ZNF695: variants seen among roughly 807,000 people sequenced by gnomAD.
ZNF695 encodes zinc finger protein SBZF3.
Under a neutral mutation model 11.2 loss-of-function variants are expected in ZNF695, and 11 were observed. That is an observed-to-expected ratio of 0.98 (90% CI 0.62 to 1.62). ZNF695 has a LOEUF of 1.62. Ranked by LOEUF, ZNF695 falls within the 40% of genes most tolerant of loss-of-function variation. The pLI, the probability that ZNF695 is intolerant of heterozygous loss-of-function variation, is 0.00. For synonymous variants in ZNF695, 190 were observed against 201.4 expected (o/e 0.94, Z 0.48); for missense variants, 559 against 590.5 (o/e 0.95, Z 0.55).
intron 4 of ZNF695, among the ~76,000 whole-genome samples, chr1:246,971,212 CAGAG>C (rs1668415926): frequency 6.6e-6 from 1 of 152,144 alleles, no homozygotes; most frequent in South Asian, 2.1e-4. Flanking sequence ...GTAGCCCAGG[CAGAG>C]AGAGAGGGCA....
At chr1:246,969,503 T>C (rs1373141460) in intron 4 of ZNF695, 2 of 152,314 alleles carry the variant, frequency 1.3e-5, no homozygotes, top group African/African-American at 4.8e-5. Flanking sequence ...CTTTTCCTTA[T>C]CTTCCTGTCT....
At chr1:246,994,767 G>GCAGAGCTTGCAGTGAGC (rs1052860566) in intron 3 of ZNF695, among the ~76,000 whole-genome samples, 7 of 152,152 alleles carry the variant, frequency 4.6e-5, no homozygotes, top group African/African-American at 1.7e-4. Flanking sequence ...AACCCGGGAG[G>GCAGAGCTTGCAGTGAGC]CAGAGCTTGC....
downstream of ZNF695, among the ~76,000 whole-genome samples, chr1:246,981,992 C>CG (rs1668721551): frequency 6.6e-6 from 1 of 152,034 alleles, no homozygotes; most frequent in Admixed American, 6.6e-5. Context: ...TATTTCAGGC[C>CG]GGGGGCAGTG....
chr1:246,996,968 C>T (rs2642974), intron 3 of ZNF695, among the ~76,000 whole-genome samples: 137,719 of 152,234 alleles, frequency 0.9, 62,386 homozygotes, highest in East Asian at 0.99. Context: ...AACAAACTTA[C>T]AGATAAATGT....
intron 4 of ZNF695, among the ~76,000 whole-genome samples, chr1:246,975,497 A>G (rs1459838831): frequency 6.6e-6 from 1 of 152,234 alleles, no homozygotes; most frequent in Admixed American, 6.6e-5. Flanking sequence ...AATGTGATGA[A>G]GATTTTAACA....
At chr1:246,984,308 AGCTGGAAT>A (rs970675445), downstream of ZNF695, among the ~76,000 whole-genome samples, 2 of 149,510 alleles carry the variant, frequency 1.3e-5, no homozygotes, top group African/African-American at 4.9e-5. Context: ...AAAGGAGGAG[AGCTGGAAT>A]GCATAAGTAG....
intron 5 of ZNF695, among the ~76,000 whole-genome samples, chr1:246,962,590 G>T (rs1193843947): frequency 6.6e-6 from 1 of 152,070 alleles, no homozygotes; most frequent in African/African-American, 2.4e-5. Flanking sequence ...CGTGGGGCTG[G>T]CCTCTTCACC....
chr1:246,994,203 G>A (rs1381733315), intron 3 of ZNF695, among the ~76,000 whole-genome samples: 3 of 152,062 alleles, frequency 2.0e-5, no homozygotes. Context: ...CAGATGTACT[G>A]AGAAAAAAAA....
chr1:246,974,142 T>TAA (rs963537852), intron 4 of ZNF695, among the ~76,000 whole-genome samples: 907 of 83,130 alleles, frequency 0.011, 7 homozygotes, highest in African/African-American at 0.029. Flanking sequence ...TTATTTGGAA[T>TAA]AAAAAACAAA....
chr1:246,980,865 T>A (rs984888302), downstream of ZNF695, among the ~76,000 whole-genome samples: 1 of 152,230 alleles, frequency 6.6e-6, no homozygotes, highest in African/African-American at 2.4e-5. Context: ...AATAATTTTT[T>A]AGATTTAATG....
intron 3 of ZNF695, among the ~76,000 whole-genome samples, chr1:246,991,238 C>A (rs1163962039): frequency 6.6e-6 from 1 of 151,924 alleles, no homozygotes; most frequent in African/African-American, 2.4e-5. Flanking sequence ...TGGAGCAATA[C>A]CGCACAAACA....
chr1:246,957,070 T>C (rs944938086), intron 5 of ZNF695, among the ~76,000 whole-genome samples: 1 of 152,180 alleles, frequency 6.6e-6, no homozygotes, highest in Non-Finnish European at 1.5e-5. Flanking sequence ...TGTACTACTC[T>C]TTCAAGTTTT....
At chr1:246,954,832 T>C (rs1476098899) in intron 5 of ZNF695, among the ~76,000 whole-genome samples, 1 of 152,210 alleles carries the variant, frequency 6.6e-6, no homozygotes, top group Non-Finnish European at 1.5e-5. Flanking sequence ...AATACAGTCA[T>C]ACAGTCATCT....
rs191714784 is a variant in ZNF695 at position 246,964,690 on chromosome 1, G to A, written c.488+3005C>T. ...GTTCAAGACCAGCCTGGCCAGCATG[G>A]TGAGACCTCATCTCTACTAAAAATA... On this transcript the variant is annotated intron_variant, in intron 5 of 5. Transcript: ENST00000487338. 3.8e-3 allele frequency among the ~76,000 whole-genome samples: 572 copies of A among 152,250 alleles called. 3 individuals carry two copies. The highest frequency in any genetic ancestry group is 0.013 in the African/African-American group (549 of 41,550).
chr1:246,970,086 TTAGTA>T (rs1268892985), intron 4 of ZNF695, among the ~76,000 whole-genome samples: 1 of 152,200 alleles, frequency 6.6e-6, no homozygotes, highest in African/African-American at 2.4e-5. Flanking sequence ...ATCATAGCAC[TTAGTA>T]TAGAGAGCAG....
chr1:246,971,086 C>A (rs1050485811), intron 4 of ZNF695, among the ~76,000 whole-genome samples: 2 of 152,128 alleles, frequency 1.3e-5, no homozygotes, highest in Non-Finnish European at 2.9e-5. Flanking sequence ...TGCATGGCTG[C>A]GCTGTTATTT....
chr1:247,000,137 G>A (rs1572535194), intron 1 of ZNF695, 63 bp from the exon 2 acceptor site: 1 of 1,426,894 alleles, frequency 7.0e-7, no homozygotes, highest in East Asian at 2.3e-5. Context: ...CTACAGGCAA[G>A]GAGAGACAGT....
intron 3 of ZNF695, among the ~76,000 whole-genome samples, chr1:246,994,328 G>A (rs1669129792): frequency 6.6e-6 from 1 of 151,798 alleles, no homozygotes; most frequent in South Asian, 2.1e-4. Context: ...ATCACCTGAG[G>A]TCAGGAGTTC....
chr1:246,981,078 A>C (rs988721508), downstream of ZNF695, among the ~76,000 whole-genome samples: 1 of 152,240 alleles, frequency 6.6e-6, no homozygotes, highest in East Asian at 1.9e-4. Context: ...TGGGGAAAAT[A>C]TCTAAATATG....
Sources: allele counts gnomAD v4.1 joint callset (sites outside exome capture counted in the v4.1 genomes callset), GRCh38; gene constraint gnomAD v4.1.1; transcripts MANE v1.5; gene names NCBI Gene and HGNC (gene_info 2026-07-23, HGNC 2026-07-21).